Variants in TNFRSF8 observed in about 807,000 individuals in gnomAD.
TNFRSF8 encodes the protein TNF receptor superfamily member 8.
TNFRSF8 carries 26 observed loss-of-function variants against 70.8 expected under a neutral mutation model. The observed-to-expected ratio is 0.37, with a 90% CI of 0.27 to 0.51. TNFRSF8 has a LOEUF of 0.51. Ranked by LOEUF, TNFRSF8 falls within the 20% of genes least tolerant of loss-of-function variation. TNFRSF8 has a pLI of 0.94. For synonymous variants in TNFRSF8, 356 were observed against 339.2 expected, an observed-to-expected ratio of 1.05 and a Z score of -0.54; for missense variants, 720 against 807.9, an observed-to-expected ratio of 0.89 and a Z score of 1.32.
chr1:12,091,517 G>A (rs1328529102), intron 2 of TNFRSF8, among the ~76,000 whole-genome samples: 1 of 152,148 alleles, frequency 6.6e-6, no homozygotes, highest in African/African-American at 2.4e-5. Context: ...GGCTCTGGGT[G>A]CTCTGAGAGG....
chr1:12,111,836 G>C, intron 6 of TNFRSF8, 62 bp from the exon 7 acceptor site: 1 of 1,388,604 alleles, frequency 7.2e-7, no homozygotes, highest in Non-Finnish European at 1.0e-6. Flanking sequence ...TTCAGGGTTG[G>C]GTGGGGAGTG....
At chr1:12,106,391 G>A (rs1246460569) in intron 4 of TNFRSF8, among the ~76,000 whole-genome samples, 1 of 152,082 alleles carries the variant, frequency 6.6e-6, no homozygotes, top group Non-Finnish European at 1.5e-5. Context: ...GGCCTTCCCT[G>A]GCCTCTCACT....
intron 12 of TNFRSF8, among the ~76,000 whole-genome samples, chr1:12,135,370 G>A (rs1322959285): frequency 6.8e-6 from 1 of 147,838 alleles, no homozygotes; most frequent in East Asian, 2.0e-4. Flanking sequence ...GTGGTCCCCT[G>A]TCCTCCATCT....
rs899241409 is a variant in TNFRSF8, at chr1:12,113,276, C to T, written c.793+1262C>T. Among the ~76,000 whole-genome samples the T allele has an allele frequency of 2.6e-5, 4 of 152,180 alleles. No individual in the cohort carries two copies. The highest frequency in any genetic ancestry group is 4.4e-5 in the Non-Finnish European group (3 of 68,038). On this transcript the variant is annotated intron_variant, in intron 7 of 14. Transcript: ENST00000263932. This position sits in a 1 kb window ranked among gnomAD's most constrained non-coding sequence, Gnocchi z 4.9. ...TCCATGTCGGCCTCTTCGTGTCTTA[C>T]CTGGGGCTTCCTCATGGTCTGGTGG...
intron 13 of TNFRSF8, 21 bp downstream of exon 13, chr1:12,135,634 C>G: frequency 6.2e-7 from 1 of 1,613,792 alleles, no homozygotes; most frequent in Non-Finnish European, 8.5e-7. Context: ...CTCCCTTGCC[C>G]CCACCTCAGC....
chr1:12,122,776 G>A (rs1296301686), intron 8 of TNFRSF8, among the ~76,000 whole-genome samples: 5 of 152,112 alleles, frequency 3.3e-5, no homozygotes, highest in South Asian at 2.1e-4. Flanking sequence ...AAGGTCTAGC[G>A]TCACTGTTTC....
Position 12,125,888 on chromosome 1 carries a change from G to A in TNFRSF8, c.1154-63G>A. On this transcript the variant is annotated intron_variant, in intron 10 of 14. Transcript: ENST00000263932. ...CCCAGGAGAAGGAGGAAGTCGTCTG[G>A]GGCTGGGGCTGTCTTGTGTGGTTGC... 3.0e-6 allele frequency: 4 copies of A among 1,326,340 alleles called. No individual in the cohort carries two copies. In the South Asian group the frequency reaches 3.5e-5, roughly 12 times the overall value. The allele number at this position is 1,326,340 out of a possible 1,614,324, so 82.2% of individuals were successfully genotyped here.
chr1:12,090,242 CATCT>C lies in TNFRSF8; in HGVS notation c.151+5697_151+5700del, dbSNP rs754676572. Among the ~76,000 whole-genome samples the C allele has an allele frequency of 1.8e-4, 26 of 148,554 alleles. No individual in the cohort carries two copies. The South Asian group carries it at 2.0e-3, about 11-fold the overall frequency. On this transcript the variant is annotated intron_variant, in intron 2 of 14. Coordinates refer to ENST00000263932, the MANE Select transcript of TNFRSF8 (RefSeq NM_001243.5). ...ATCCACCCATCCACCTTTCCCCATC[CATCT>C]ATCTACCCATCCAACCATCTACCCA...
Position 12,104,333 on chromosome 1 carries a change from C to T in TNFRSF8, c.269-46C>T, listed in dbSNP as rs745572819. 7 of 1,610,104 alleles carry T rather than the reference C, an allele frequency of 4.3e-6. No homozygotes were observed. In the East Asian group the frequency reaches 8.9e-5, roughly 21 times the overall value. On this transcript the variant is annotated intron_variant, in intron 3 of 14. Transcript: ENST00000263932. ...TCATCTCAAGAGCTATCTGGAGAGA[C>T]GCCTTCCTTCTGTTCCCCTCTGTGA...
In TNFRSF8 at chr1:12,088,942, G is replaced by A. The variant is rs1159898703; in HGVS notation, c.151+4391G>A. ...AGCTGAGTGTGCTGGGCTCCCCTGT[G>A]CCCTCTGACACTGTCCCAGCAGAGC... On this transcript the variant is annotated intron_variant, in intron 2 of 14. Transcript: ENST00000263932. The surrounding 1 kb of genome is among the most constrained non-coding windows in gnomAD (Gnocchi z 4.0). Among the ~76,000 whole-genome samples the A allele has an allele frequency of 4.0e-5, 6 of 151,676 alleles. No homozygotes were observed. Among genetic ancestry groups the A allele is most frequent in the Non-Finnish European group, 1.5e-5 (1 of 67,936 alleles).
At position 12,123,705 on chromosome 1, in the gene TNFRSF8, C is replaced by T; in HGVS notation, c.1041-10C>T. On this transcript the variant is annotated splice_polypyrimidine_tract_variant and intron_variant, in intron 9 of 14. Transcript: ENST00000263932. The stretch of plus-strand genomic sequence containing the variant: ...TCTTCATCACTCCTGCCTTGGGCTT[C>T]TCCCCGCAGCACCAGCCCCACTCAG... 6.4e-7 allele frequency: 1 copy of T among 1,552,862 alleles called. No homozygotes were observed.
intron 1 of TNFRSF8, among the ~76,000 whole-genome samples, chr1:12,073,934 G>T (rs867402780): frequency 4.2e-4 from 64 of 152,172 alleles, no homozygotes; most frequent in African/African-American, 1.4e-3. Context: ...GTCCCGTGGC[G>T]GCTGTTGCTG....
Position 12,087,960 on chromosome 1 carries a change from G to A in TNFRSF8, c.151+3409G>A, listed in dbSNP as rs539983500. Among the ~76,000 whole-genome samples the A allele has an allele frequency of 6.6e-5, 10 of 152,052 alleles. 1 individual carries two copies. The South Asian group carries it at 1.9e-3, about 28-fold the overall frequency. ...GGTGTTTTATTGACCTTGTGCTTCC[G>A]TGTAGCCAGAGAAGAAAAAAGAAAA... On this transcript the variant is annotated intron_variant, in intron 2 of 14. Coordinates refer to ENST00000263932, the MANE Select transcript of TNFRSF8 (RefSeq NM_001243.5).
rs755198236 is a variant in TNFRSF8 at position 12,084,391 on chromosome 1, G to A, written c.64-73G>A. The stretch of plus-strand genomic sequence containing the variant: ...TACAAAGCTCCGTCTCAGGCCTCCT[G>A]GGACTGGTGGGGACAGAGGGAGTAT... On this transcript the variant is annotated intron_variant, in intron 1 of 14. Transcript: ENST00000263932. 34 of 1,378,230 alleles carry A rather than the reference G, an allele frequency of 2.5e-5. No individual in the cohort carries two copies. The Middle Eastern group carries it at 7.1e-4, about 29-fold the overall frequency. The allele number at this position is 1,378,230 out of a possible 1,614,324, so 85.4% of individuals were successfully genotyped here.
chr1:12,135,723 C>T (rs550659146), intron 13 of TNFRSF8, 110 bp downstream of exon 13: 193 of 1,450,312 alleles, frequency 1.3e-4, no homozygotes, highest in African/African-American at 2.7e-4. Flanking sequence ...AGGGAGGGGA[C>T]GGACTGGCCA....
intron 1 of TNFRSF8, among the ~76,000 whole-genome samples, chr1:12,069,406 T>C (rs1304405535): frequency 6.6e-6 from 1 of 151,638 alleles, no homozygotes; most frequent in African/African-American, 2.4e-5. Context: ...CTCAAACTCC[T>C]GACCTCAGAC....
chr1:12,142,139 C>T lies in TNFRSF8; in HGVS notation c.1544-148C>T. 8.7e-7 allele frequency: 1 copy of T among 1,155,368 alleles called. No homozygotes were observed. Among genetic ancestry groups the T allele is most frequent in the Non-Finnish European group, 1.2e-6 (1 of 834,360 alleles). The allele number at this position is 1,155,368 out of a possible 1,614,324, so 71.6% of individuals were successfully genotyped here. On this transcript the variant is annotated intron_variant, in intron 14 of 14. Transcript: ENST00000263932. The surrounding 1 kb of genome is among the most constrained non-coding windows in gnomAD (Gnocchi z 5.0). Reference sequence around the variant, plus strand: ...TATTTCCTCTGAGCCCCCAGGATGCCTGTAAGGTACATCAGAGAGGCTGTG... The same window carrying T: ...TATTTCCTCTGAGCCCCCAGGATGCTTGTAAGGTACATCAGAGAGGCTGTG...
At chr1:12,129,230 A>G (rs1280924752) in intron 12 of TNFRSF8, among the ~76,000 whole-genome samples, 1 of 152,014 alleles carries the variant, frequency 6.6e-6, no homozygotes, top group African/African-American at 2.4e-5. Flanking sequence ...TTTGTTTTGA[A>G]ACAGTTTCAA....
intron 12 of TNFRSF8, 48 bp from the exon 13 acceptor site, chr1:12,135,540 G>T: frequency 6.2e-7 from 1 of 1,609,452 alleles, no homozygotes; most frequent in Non-Finnish European, 8.5e-7. Flanking sequence ...GGGTGGGGCC[G>T]GGGGCTGCCA....
Sources: allele counts gnomAD v4.1 joint callset (sites outside exome capture counted in the v4.1 genomes callset), GRCh38; gene constraint gnomAD v4.1.1; non-coding constraint Gnocchi (gnomAD v3.1); transcripts MANE v1.5; gene names NCBI Gene and HGNC (gene_info 2026-07-23, HGNC 2026-07-21).